The following MACROD2 variants were observed in gnomAD, a reference collection of about 807,000 sequenced individuals.
MACROD2 encodes ADP-ribose glycohydrolase MACROD2.
MACROD2 carries 36 observed loss-of-function variants against 70.4 expected under a neutral mutation model. The observed-to-expected ratio is 0.51, with a 90% CI of 0.39 to 0.68. MACROD2 has a LOEUF of 0.68. Ranked by LOEUF, MACROD2 falls within the 30% of genes least tolerant of loss-of-function variation. The pLI is 0.00. For synonymous variants in MACROD2, 172 were observed against 178.8 expected (o/e 0.96, Z 0.30); for missense variants, 496 against 538.4 (o/e 0.92, Z 0.78).
intron 7 of MACROD2, among the ~76,000 whole-genome samples, chr20:15,446,410 T>C (rs1193832410): frequency 2.0e-5 from 3 of 152,186 alleles, no homozygotes; most frequent in African/African-American, 7.2e-5. Context: ...AATAAAACAT[T>C]GTATTCTAAA....
At chr20:14,568,736 A>G (rs1011254533) in intron 4 of MACROD2, among the ~76,000 whole-genome samples, 2 of 152,036 alleles carry the variant, frequency 1.3e-5, no homozygotes, top group African/African-American at 4.8e-5. Flanking sequence ...CTTTTGGCAT[A>G]GGGGCAAGGA....
intron 8 of MACROD2, among the ~76,000 whole-genome samples, chr20:15,677,707 AT>A (rs67704598): frequency 0.55 from 83,060 of 149,724 alleles, 25,082 homozygotes; most frequent in Non-Finnish European, 0.7. Context: ...AACCAACCAA[AT>A]ACATCCTTAG....
At chr20:14,503,947 G>T (rs951094228) in intron 4 of MACROD2, among the ~76,000 whole-genome samples, 11 of 152,198 alleles carry the variant, frequency 7.2e-5, no homozygotes, top group African/African-American at 2.7e-4. Flanking sequence ...CAAAAGCCTT[G>T]CTCTGTCATT....
At chr20:14,684,656 C>CG (rs1491558355) in intron 4 of MACROD2, among the ~76,000 whole-genome samples, 187 bp from the exon 5 acceptor site, 2 of 113,292 alleles carry the variant, frequency 1.8e-5, no homozygotes, top group African/African-American at 6.5e-5. Flanking sequence ...TCACCCCCCC[C>CG]CCCCGGCCCC....
At chr20:14,136,063 G>A (rs11697008) in intron 3 of MACROD2, among the ~76,000 whole-genome samples, 8,573 of 152,180 alleles carry the variant, frequency 0.056, 287 homozygotes, top group African/African-American at 0.097. Context: ...TACAGATGAC[G>A]TGATCTTCTA....
At chr20:14,539,343 C>T (rs116865069) in intron 4 of MACROD2, among the ~76,000 whole-genome samples, 222 of 152,312 alleles carry the variant, frequency 1.5e-3, no homozygotes, top group Non-Finnish European at 2.4e-3. Context: ...AATAATCATA[C>T]ACAGAATTTT....
chr20:15,935,552 A>G (rs890816111), intron 11 of MACROD2, among the ~76,000 whole-genome samples: 20 of 152,210 alleles, frequency 1.3e-4, no homozygotes, highest in African/African-American at 4.1e-4. Flanking sequence ...AATTTTGATT[A>G]TATAGCTCTG....
At chr20:14,893,157 C>T (rs1033344509) in intron 5 of MACROD2, 1 of 152,066 alleles carries the variant, frequency 6.6e-6, no homozygotes, top group Non-Finnish European at 1.5e-5. Flanking sequence ...TAATATATCT[C>T]TTTGTATGTA....
chr20:14,976,120 A>T (rs2423889), intron 5 of MACROD2, among the ~76,000 whole-genome samples: 2,236 of 152,194 alleles, frequency 0.015, 38 homozygotes, highest in Admixed American at 0.04. Flanking sequence ...CTTTCAAAGG[A>T]TTGTTGTGCA....
intron 5 of MACROD2, among the ~76,000 whole-genome samples, chr20:14,962,711 C>A (rs991213860): frequency 1.3e-5 from 2 of 151,466 alleles, no homozygotes; most frequent in Non-Finnish European, 2.9e-5. Flanking sequence ...TTATTCTCTT[C>A]TTTTTTTTCT....
At chr20:15,429,977 T>C (rs1199449545) in intron 6 of MACROD2, among the ~76,000 whole-genome samples, 1 of 152,092 alleles carries the variant, frequency 6.6e-6, no homozygotes, top group East Asian at 1.9e-4. Context: ...TCTATGTCCA[T>C]GTGTACTCAT....
intron 5 of MACROD2, among the ~76,000 whole-genome samples, chr20:14,880,295 A>G (rs778022503): frequency 6.6e-6 from 1 of 152,178 alleles, no homozygotes; most frequent in Non-Finnish European, 1.5e-5. Context: ...TACAAAATCA[A>G]TTTTATCTTC....
intron 3 of MACROD2, among the ~76,000 whole-genome samples, chr20:14,378,647 C>G (rs1477035573): frequency 6.6e-6 from 1 of 152,198 alleles, no homozygotes; most frequent in African/African-American, 2.4e-5. Context: ...ATTTGTTAAG[C>G]ACATATCTGA....
At chr20:15,686,179 A>AT (rs2050222327) in intron 8 of MACROD2, among the ~76,000 whole-genome samples, 1 of 152,182 alleles carries the variant, frequency 6.6e-6, no homozygotes, top group Non-Finnish European at 1.5e-5. Context: ...ATATGCCATA[A>AT]TTTTTTTCAG....
intron 3 of MACROD2, among the ~76,000 whole-genome samples, chr20:14,421,119 T>C (rs1262160897): frequency 6.6e-6 from 1 of 152,210 alleles, no homozygotes; most frequent in Non-Finnish European, 1.5e-5. Context: ...ATATTGCTAG[T>C]ATTTTGTCTA....
chr20:14,323,226 C>T (rs1201932521), intron 3 of MACROD2: 1 of 152,220 alleles, frequency 6.6e-6, no homozygotes, highest in Non-Finnish European at 1.5e-5. Context: ...CAAGACTAGT[C>T]AGCTTCAAGT....
At chr20:14,506,088 C>A (rs1479272829) in intron 4 of MACROD2, among the ~76,000 whole-genome samples, 2 of 152,096 alleles carry the variant, frequency 1.3e-5, no homozygotes, top group African/African-American at 4.8e-5. Flanking sequence ...AAACAAGACT[C>A]ATAGACTTTG....
intron 3 of MACROD2, among the ~76,000 whole-genome samples, chr20:14,128,628 G>A (rs2054681027): frequency 6.6e-6 from 1 of 152,296 alleles, no homozygotes; most frequent in East Asian, 1.9e-4. Flanking sequence ...TTTACTAGAC[G>A]ATGATACCAT....
chr20:14,854,219 T>G (rs2073229401), intron 5 of MACROD2, among the ~76,000 whole-genome samples: 1 of 152,162 alleles, frequency 6.6e-6, no homozygotes, highest in Non-Finnish European at 1.5e-5. Flanking sequence ...ATAAGTAGGA[T>G]TCCCCTTTAC....
Sources: gnomAD v4.1 joint callset for allele counts (sites outside exome capture counted in the v4.1 genomes callset) on GRCh38, gnomAD v4.1.1 for gene constraint, MANE v1.5 for transcripts, NCBI Gene and HGNC (gene_info 2026-07-23, HGNC 2026-07-21) for gene names.